The following DCC variants were observed in gnomAD, a reference collection of about 807,000 sequenced individuals.
DCC encodes the protein DCC netrin 1 receptor, also known as netrin receptor DCC.
DCC carries 58 observed loss-of-function variants against 172.5 expected under a neutral mutation model. The ratio of observed to expected loss-of-function variants is 0.34; its 90% CI spans 0.27 to 0.42. The LOEUF is 0.42. DCC is among the 10% of genes least tolerant of loss of function. The probability of loss-of-function intolerance (pLI) is 1.00; values close to 1 mark genes in which losing one functional copy is unlikely to be tolerated. For synonymous variants in DCC, 709 were observed against 644.5 expected (o/e 1.10, Z -1.52); for missense variants, 1,740 against 1,791.0 (o/e 0.97, Z 0.51).
rs1219965399 is a variant in DCC at position 53,351,462 on chromosome 18, G to C, written c.2359+11555G>C. ...TACAGTGTATATATATATATACACAGTGTGTATATATATATATATATATAT... is the reference window on the plus strand; with the variant it reads ...TACAGTGTATATATATATATACACACTGTGTATATATATATATATATATAT... On this transcript the variant is annotated intron_variant, in intron 15 of 28. Transcript: ENST00000442544. Among the ~76,000 whole-genome samples, 27 of 16,554 alleles carry C rather than the reference G, an allele frequency of 1.6e-3. 2 individuals are homozygous for C. Among genetic ancestry groups the C allele is most frequent in the African/African-American group, 5.9e-3 (25 of 4,268 alleles). The allele number at this position is 16,554 out of a possible 152,430, so 10.9% of individuals were successfully genotyped here.
intron 2 of DCC, among the ~76,000 whole-genome samples, chr18:52,847,984 T>C (rs2145333627): frequency 6.6e-6 from 1 of 152,272 alleles, no homozygotes; most frequent in South Asian, 2.1e-4. Flanking sequence ...ATTATTTAAG[T>C]CTGATAAATT....
chr18:52,417,454 T>C (rs957645399), intron 1 of DCC, among the ~76,000 whole-genome samples: 2 of 152,172 alleles, frequency 1.3e-5, no homozygotes, highest in Non-Finnish European at 2.9e-5. Context: ...CTGGATAATA[T>C]CCTGGAGAGT....
At chr18:53,368,423 A>G (rs2058028096) in intron 15 of DCC, among the ~76,000 whole-genome samples, 1 of 152,110 alleles carries the variant, frequency 6.6e-6, no homozygotes. Flanking sequence ...TTGATGTACA[A>G]TGTTTTTAAA....
chr18:53,447,917 A>AT (rs1489747841), intron 22 of DCC, among the ~76,000 whole-genome samples: 11 of 152,106 alleles, frequency 7.2e-5, no homozygotes, highest in African/African-American at 2.4e-4. Context: ...TGTAATCATA[A>AT]TTTTTTAACA....
chr18:53,434,354 C>G (rs1911810001), intron 21 of DCC, among the ~76,000 whole-genome samples: 1 of 152,162 alleles, frequency 6.6e-6, no homozygotes, highest in Non-Finnish European at 1.5e-5. Flanking sequence ...AACTCAAAAT[C>G]TAATCAAATG....
At chr18:53,279,593 C>T (rs888033710) in intron 12 of DCC, among the ~76,000 whole-genome samples, 2 of 147,310 alleles carry the variant, frequency 1.4e-5, no homozygotes, top group African/African-American at 5.0e-5. Flanking sequence ...CACATGTATA[C>T]ATATGTAATT....
intron 14 of DCC, among the ~76,000 whole-genome samples, chr18:53,322,479 A>G (rs1476173929): frequency 6.6e-6 from 1 of 152,164 alleles, no homozygotes; most frequent in Non-Finnish European, 1.5e-5. Context: ...CATTTCGTTC[A>G]CAAGAATTAG....
At chr18:53,038,951 A>G (rs887954777) in intron 5 of DCC, among the ~76,000 whole-genome samples, 6 of 152,030 alleles carry the variant, frequency 3.9e-5, no homozygotes, top group East Asian at 1.9e-4. Context: ...ATTAGAAAAG[A>G]TGAAATTTCT....
chr18:53,119,817 C>T (rs1598821368), intron 7 of DCC, among the ~76,000 whole-genome samples: 2 of 151,818 alleles, frequency 1.3e-5, no homozygotes, highest in South Asian at 4.1e-4. Flanking sequence ...AGTATTTTCA[C>T]CTCTTTACAC....
chr18:52,519,181 A>C (rs185357923), intron 1 of DCC, among the ~76,000 whole-genome samples: 4 of 152,302 alleles, frequency 2.6e-5, no homozygotes, highest in Admixed American at 2.6e-4. Context: ...TGTAGCTGCC[A>C]GATTGGGAGC....
At chr18:53,464,979 C>CAAAAAAAAAAAAAAAAAAAAAAAAAAAA (rs71179510) in intron 24 of DCC, among the ~76,000 whole-genome samples, 1 of 54,840 alleles carries the variant, frequency 1.8e-5, no homozygotes, top group African/African-American at 5.9e-5. Context: ...AACTCAATCT[C>CAAAAAAAAAAAAAAAAAAAAAAAAAAAA]AAAAAAAAAA....
Position 53,322,091 on chromosome 18 carries a change from A to T in DCC, c.2098A>T (p.Thr700Ser). Residue 700 changes from threonine (T) to serine (S), a missense_variant, in exon 14 of 29, where the codon ACA becomes TCA. By Grantham distance (58) the Thr-to-Ser change is moderately conservative (BLOSUM62 1). Around this residue, in one of 2 missense-constraint regions of DCC, gnomAD observed 1,732 missense variants for 1,767.4 expected, o/e 0.98. Transcript: ENST00000442544. ...SQYSFQVSAMTVNGTGPPSNW... is the reference protein window; with the variant it reads ...SQYSFQVSAMSVNGTGPPSNW... ...GTACAGTTTCCAGGTGTCAGCCATG[A>T]CAGTCAATGGTACTGGACCACCTTC... The T allele has an allele frequency of 6.2e-7, 1 of 1,610,612 alleles. No individual in the cohort carries two copies. The highest frequency in any genetic ancestry group is 8.5e-7 in the Non-Finnish European group (1 of 1,176,770).
At chr18:52,341,462 A>G (rs906910453) in intron 1 of DCC, among the ~76,000 whole-genome samples, 2 of 152,186 alleles carry the variant, frequency 1.3e-5, no homozygotes, top group African/African-American at 4.8e-5. Context: ...AGAGTTGCCA[A>G]GGAGGAGGGG....
At chr18:53,495,327 G>T (rs1036839199) in intron 26 of DCC, among the ~76,000 whole-genome samples, 1 of 145,572 alleles carries the variant, frequency 6.9e-6, no homozygotes, top group Non-Finnish European at 1.5e-5. Context: ...GGAGGCAGAG[G>T]TTGCAGTGAG....
At chr18:53,387,487 A>C (rs985180511) in intron 16 of DCC, among the ~76,000 whole-genome samples, 3 of 152,218 alleles carry the variant, frequency 2.0e-5, no homozygotes, top group African/African-American at 7.2e-5. Context: ...TTGTATAATC[A>C]AAGGGGTTCA....
Position 53,339,807 on chromosome 18 carries a change from C to A in DCC, c.2259C>A (p.Ile753=). 6.2e-7 allele frequency: 1 copy of A among 1,613,910 alleles called. No individual in the cohort carries two copies. Among genetic ancestry groups the A allele is most frequent in the South Asian group, 1.1e-5 (1 of 91,076 alleles). ...GGACTCCTCCCTTGAACCCAAACAT[C>A]GTGGTGCGAGGTTATATTATCGGTT... is the stretch of plus-strand genomic sequence containing the variant. ...MSWTPPLNPN[I]VVRGYIIGYG... The change falls in exon 15 of 29, where the codon ATC becomes ATA. Residue 753 remains isoleucine, a synonymous_variant. Coordinates refer to ENST00000442544, the MANE Select transcript of DCC (RefSeq NM_005215.4).
At chr18:52,360,699 G>C (rs1488077464) in intron 1 of DCC, among the ~76,000 whole-genome samples, 1 of 152,154 alleles carries the variant, frequency 6.6e-6, no homozygotes, top group Non-Finnish European at 1.5e-5. Flanking sequence ...ACTACTGTAT[G>C]ATTTTATGAA....
chr18:53,258,350 G>A (rs1393337014), intron 12 of DCC, among the ~76,000 whole-genome samples: 20 of 152,006 alleles, frequency 1.3e-4, no homozygotes, highest in Admixed American at 1.3e-3. Flanking sequence ...TGGGCATTTA[G>A]TGCTACAAAT....
At chr18:52,464,416 A>G (rs1988723204) in intron 1 of DCC, among the ~76,000 whole-genome samples, 1 of 152,174 alleles carries the variant, frequency 6.6e-6, no homozygotes, top group Admixed American at 6.5e-5. Flanking sequence ...ATGTTAACAG[A>G]ATAGGTGTAA....
Sources: allele counts gnomAD v4.1 joint callset (sites outside exome capture counted in the v4.1 genomes callset), GRCh38; gene constraint gnomAD v4.1.1; regional missense constraint gnomAD v4.1.1; transcripts MANE v1.5; gene names NCBI Gene and HGNC (gene_info 2026-07-23, HGNC 2026-07-21).